The following SRP72 variants were observed in gnomAD, a reference collection of about 807,000 sequenced individuals.
SRP72 encodes signal recognition particle subunit SRP72.
Under a neutral mutation model 96.3 loss-of-function variants are expected in SRP72, and 49 were observed. The ratio of observed to expected loss-of-function variants is 0.51; its 90% CI spans 0.40 to 0.65. SRP72 has a LOEUF of 0.65. SRP72 is among the 30% of genes least tolerant of loss of function. The probability of loss-of-function intolerance (pLI) is 0.00; values close to 1 mark genes in which losing one functional copy is unlikely to be tolerated. For missense variants in SRP72, 736 were observed against 793.3 expected, an observed-to-expected ratio of 0.93 and a Z score of 0.87; for synonymous variants, 267 against 275.2, an observed-to-expected ratio of 0.97 and a Z score of 0.30.
intron 8 of SRP72, among the ~76,000 whole-genome samples, chr4:56,479,243 G>A (rs970043175): frequency 3.3e-5 from 5 of 151,902 alleles, no homozygotes; most frequent in Non-Finnish European, 5.9e-5. Flanking sequence ...GCAGTGACAC[G>A]ATCTCGGCTC....
chr4:56,482,343 G>C (rs1332436347), intron 8 of SRP72, among the ~76,000 whole-genome samples: 4 of 151,628 alleles, frequency 2.6e-5, no homozygotes, highest in Non-Finnish European at 5.9e-5. Context: ...AGCTACTCGG[G>C]AGACTGAGGC....
At chr4:56,495,197 C>T (rs866241752) in intron 16 of SRP72, 160 bp from the exon 17 acceptor site, 5 of 434,614 alleles carry the variant, frequency 1.2e-5, no homozygotes, top group Middle Eastern at 6.1e-4. Context: ...TGACTTTAAC[C>T]TGAATCAAAT....
chr4:56,484,806 T>C lies in SRP72; in HGVS notation c.1028T>C (p.Ile343Thr), dbSNP rs747061082. ...QSPEHLLPVLIQAAQLCREKQ... is the reference protein window; with the variant it reads ...QSPEHLLPVLTQAAQLCREKQ... The stretch of plus-strand genomic sequence containing the variant: ...CCCGAGCATCTCTTACCTGTGTTAA[T>C]CCAAGCTGCCCAGCTCTGCCGTGAA... The change falls in exon 10 of 19, where the codon ATC (isoleucine) becomes ACC (threonine). Residue 343 changes from isoleucine (I) to threonine (T), a missense_variant. By Grantham distance (89) the Ile-to-Thr change is moderately conservative (BLOSUM62 -1). Around this residue, in one of 3 missense-constraint regions of SRP72, gnomAD observed 388 missense variants for 431.8 expected, o/e 0.90. Coordinates refer to ENST00000642900, the MANE Select transcript of SRP72 (RefSeq NM_006947.4). The C allele has an allele frequency of 1.2e-6, 2 of 1,614,178 alleles. No individual in the cohort carries two copies. The highest frequency in any genetic ancestry group is 1.7e-6 in the Non-Finnish European group (2 of 1,180,040).
At chr4:56,492,907 C>T (rs188498555) in intron 16 of SRP72, among the ~76,000 whole-genome samples, 394 of 152,258 alleles carry the variant, frequency 2.6e-3, no homozygotes, top group African/African-American at 9.3e-3. Flanking sequence ...ATTGCCTGAG[C>T]CCAGGAGTTT....
chr4:56,492,821 C>T (rs1183021639), intron 16 of SRP72, among the ~76,000 whole-genome samples: 2 of 152,010 alleles, frequency 1.3e-5, no homozygotes, highest in Non-Finnish European at 2.9e-5. Flanking sequence ...TGAGTAACTA[C>T]TAAGGACACG....
chr4:56,495,960 C>T lies in SRP72; in HGVS notation c.1678+566C>T, dbSNP rs967619893. 1.2e-4 allele frequency among the ~76,000 whole-genome samples: 18 copies of T among 152,200 alleles called. 1 individual carries two copies. The highest frequency in any genetic ancestry group is 9.2e-4 in the Admixed American group (14 of 15,278). On this transcript the variant is annotated intron_variant, in intron 17 of 18. Coordinates refer to ENST00000642900, the MANE Select transcript of SRP72 (RefSeq NM_006947.4). ...TAAACAGTCAGGGCCACATACTTGT[C>T]ATTTATATCCATCACAACAAAGAAG... is the stretch of plus-strand genomic sequence containing the variant.
intron 13 of SRP72, among the ~76,000 whole-genome samples, 153 bp from the exon 14 acceptor site, chr4:56,490,180 T>C (rs1720857894): frequency 6.6e-6 from 1 of 152,254 alleles, no homozygotes; most frequent in Non-Finnish European, 1.5e-5. Flanking sequence ...CCTCTACATG[T>C]GTGGATGATT....
At chr4:56,480,303 A>T (rs1720432476) in intron 8 of SRP72, among the ~76,000 whole-genome samples, 2 of 152,170 alleles carry the variant, frequency 1.3e-5, no homozygotes, top group Non-Finnish European at 2.9e-5. Context: ...TCTGTTGCCC[A>T]GGCTGGAGTG....
Position 56,467,678 on chromosome 4 carries a change from T to A in SRP72, c.43T>A (p.Trp15Arg). Reference sequence around the variant, plus strand: ...CGGGGGGGTGTCAGTACCTGCGCTGTGGAGTGAAGTGAACCGGTATGGCCA... The same window carrying A: ...CGGGGGGGTGTCAGTACCTGCGCTGAGGAGTGAAGTGAACCGGTATGGCCA... The part of the protein sequence containing the change: ...GSGGVSVPAL[W>R]SEVNRYGQNG... Residue 15 changes from tryptophan (W) to arginine (R), a missense_variant, in exon 1 of 19, where the codon TGG becomes AGG. Physicochemically the swap from Trp to Arg is moderately radical, Grantham distance 101. Coordinates refer to ENST00000642900, the MANE Select transcript of SRP72 (RefSeq NM_006947.4). 6.4e-7 allele frequency: 1 copy of A among 1,563,432 alleles called. No individual in the cohort carries two copies. The highest frequency in any genetic ancestry group is 8.6e-7 in the Non-Finnish European group (1 of 1,157,472).
In SRP72 at chr4:56,478,477, A is replaced by G. The variant is rs781584252; in HGVS notation, c.741A>G (p.Gln247=). ...AGGGTCGAACAGAGGAGGCTTTGCA[A>G]CTTTACAATCAAATAATAAAACTAA... ...QLQGRTEEAL[Q]LYNQIIKLKP... is the part of the protein sequence containing the mutation. Residue 247 remains glutamine (Q), a synonymous_variant, in exon 7 of 19, where the codon CAA becomes CAG. Coordinates refer to ENST00000642900, the MANE Select transcript of SRP72 (RefSeq NM_006947.4). The G allele has an allele frequency of 6.8e-6, 11 of 1,613,946 alleles. No homozygotes were observed. The highest frequency in any genetic ancestry group is 1.7e-5 in the Admixed American group (1 of 59,996).
At chr4:56,494,364 T>G (rs1013876549) in intron 16 of SRP72, among the ~76,000 whole-genome samples, 2 of 151,918 alleles carry the variant, frequency 1.3e-5, no homozygotes, top group African/African-American at 4.8e-5. Flanking sequence ...TATAGAGAGA[T>G]GTATTTTTAT....
chr4:56,473,923 C>A, intron 3 of SRP72, 131 bp from the exon 4 acceptor site: 2 of 826,796 alleles, frequency 2.4e-6, no homozygotes, highest in African/African-American at 1.7e-5. Flanking sequence ...AATTATAAAA[C>A]ATAAACAGTT....
At chr4:56,495,897 C>T (rs1305056215) in intron 17 of SRP72, among the ~76,000 whole-genome samples, 1 of 152,154 alleles carries the variant, frequency 6.6e-6, no homozygotes, top group African/African-American at 2.4e-5. Flanking sequence ...CTGCTCTCCA[C>T]AAAACAGAAT....
chr4:56,478,820 G>T (rs1720352819), intron 8 of SRP72, among the ~76,000 whole-genome samples, 171 bp downstream of exon 8: 1 of 152,116 alleles, frequency 6.6e-6, no homozygotes, highest in African/African-American at 2.4e-5. Context: ...TGATAATGAT[G>T]CTGCAAGGTA....
chr4:56,491,788 T>C (rs772379776), intron 16 of SRP72: 1 of 403,844 alleles, frequency 2.5e-6, no homozygotes, highest in Non-Finnish European at 4.4e-6. Context: ...TCCAGAAGTT[T>C]TTCTTTGTGT....
chr4:56,472,305 G>C, intron 3 of SRP72, among the ~76,000 whole-genome samples: 1 of 150,648 alleles, frequency 6.6e-6, no homozygotes, highest in South Asian at 2.1e-4. Context: ...CAAGAGGACA[G>C]AAATGTGTAT....
Position 56,467,764 on chromosome 4 carries a change from C to A in SRP72, c.109+20C>A. 2.2e-6 allele frequency: 2 copies of A among 915,044 alleles called. No homozygotes were observed. Among genetic ancestry groups the A allele is most frequent in the South Asian group, 1.7e-5 (1 of 60,530 alleles). The allele number at this position is 915,044 out of a possible 1,614,324, so 56.7% of individuals were successfully genotyped here. A position where few individuals can be genotyped will look rare whatever the true frequency, so the allele number is the denominator to read the frequency against. On this transcript the variant is annotated intron_variant, in intron 1 of 18. Transcript: ENST00000642900. ...ATAAGAGTAAGTGTCGGGGTGGGCACTGGGGCGGGCCCAGGCCGGCTGGAG... is the reference window on the plus strand; with the variant it reads ...ATAAGAGTAAGTGTCGGGGTGGGCAATGGGGCGGGCCCAGGCCGGCTGGAG...
intron 8 of SRP72, among the ~76,000 whole-genome samples, chr4:56,479,529 T>C (rs1376156046): frequency 6.7e-6 from 1 of 150,238 alleles, no homozygotes; most frequent in Non-Finnish European, 1.5e-5. Flanking sequence ...CTTTTTTTTT[T>C]TTTTTTTGAG....
intron 13 of SRP72, 40 bp downstream of exon 13, chr4:56,489,523 A>G: frequency 7.7e-7 from 1 of 1,294,388 alleles, no homozygotes; most frequent in Non-Finnish European, 1.1e-6. Flanking sequence ...GCATGTTTTT[A>G]CATAAAAATA....
Sources: allele counts gnomAD v4.1 joint callset (sites outside exome capture counted in the v4.1 genomes callset), GRCh38; gene constraint gnomAD v4.1.1; regional missense constraint gnomAD v4.1.1; transcripts MANE v1.5; gene names NCBI Gene and HGNC (gene_info 2026-07-23, HGNC 2026-07-21).